SV2C: variants seen among roughly 807,000 people sequenced by gnomAD.
The protein encoded by SV2C is solute carrier family 22 member B3.
Under a neutral mutation model 79.7 loss-of-function variants are expected in SV2C, and 49 were observed. The observed-to-expected ratio is 0.61, with a 90% CI of 0.49 to 0.78. The LOEUF (loss-of-function observed/expected upper bound fraction) is 0.78. Ranked by LOEUF, SV2C falls within the 30% of genes least tolerant of loss-of-function variation. The pLI is 0.00. For synonymous variants in SV2C, 334 were observed against 333.2 expected (o/e 1.00, Z -0.03); for missense variants, 833 against 912.9 (o/e 0.91, Z 1.13).
At chr5:76,293,206 T>C (rs894445715) in intron 8 of SV2C, among the ~76,000 whole-genome samples, 1 of 152,122 alleles carries the variant, frequency 6.6e-6, no homozygotes, top group Non-Finnish European at 1.5e-5. Flanking sequence ...AGAAAATCCA[T>C]TAATCTCTGA....
chr5:76,216,893 G>T (rs1744919831), intron 4 of SV2C, among the ~76,000 whole-genome samples: 1 of 152,192 alleles, frequency 6.6e-6, no homozygotes, highest in Non-Finnish European at 1.5e-5. Flanking sequence ...CCAGGCTTTG[G>T]AATTGCTGCT....
At chr5:76,077,830 C>G in the SV2C span, among the ~76,000 whole-genome samples, 7 of 152,100 alleles carry the variant, frequency 4.6e-5, no homozygotes, top group African/African-American at 1.7e-4. Context: ...AGGACCCCAC[C>G]AATAGAACCT....
In SV2C at chr5:76,311,760, C is replaced by A. The variant is rs77373386; in HGVS notation, c.2000+10215C>A. On this transcript the variant is annotated intron_variant, in intron 12 of 12. Transcript: ENST00000502798. ...AGCTTGCCGTAAATCTGAAAGGAGC[C>A]CCAACCATCTAACATACTGGTGTGG... Among the ~76,000 whole-genome samples, 1,193 of 152,238 alleles carry A rather than the reference C, an allele frequency of 7.8e-3. 10 individuals are homozygous for A. The highest frequency in any genetic ancestry group is 0.024 in the African/African-American group (988 of 41,550).
chr5:76,202,988 T>C (rs1419764362), intron 3 of SV2C, among the ~76,000 whole-genome samples: 8 of 152,226 alleles, frequency 5.3e-5, no homozygotes, highest in Non-Finnish European at 1.2e-4. Context: ...AAATTTAAAA[T>C]TACATACGTG....
intron 1 of SV2C, among the ~76,000 whole-genome samples, chr5:76,088,454 T>C (rs955446483): frequency 2.6e-4 from 40 of 152,168 alleles, no homozygotes; most frequent in Admixed American, 6.5e-5. Flanking sequence ...TCCCAGAAGA[T>C]TTGGTGTCTG....
At chr5:76,280,755 G>A (rs1349857470) in intron 4 of SV2C, among the ~76,000 whole-genome samples, 1 of 152,222 alleles carries the variant, frequency 6.6e-6, no homozygotes, top group Non-Finnish European at 1.5e-5. Flanking sequence ...GTGGGGGTGT[G>A]GGGTCCCCTG....
At chr5:75,850,990 T>C in the SV2C span, among the ~76,000 whole-genome samples, 1 of 152,184 alleles carries the variant, frequency 6.6e-6, no homozygotes, top group Non-Finnish European at 1.5e-5. Context: ...TCATAGCTTA[T>C]CTGCTTTCTC....
chr5:76,347,851 G>A (rs1749572601), intron 12 of SV2C, among the ~76,000 whole-genome samples: 1 of 152,118 alleles, frequency 6.6e-6, no homozygotes, highest in Non-Finnish European at 1.5e-5. Flanking sequence ...CTGATACACA[G>A]CCTTTCCCAT....
At chr5:75,970,562 T>C in the SV2C span, among the ~76,000 whole-genome samples, 1 of 152,050 alleles carries the variant, frequency 6.6e-6, no homozygotes, top group South Asian at 2.1e-4. Flanking sequence ...GCAAATAAAC[T>C]AGAAAATCTA....
the SV2C span, among the ~76,000 whole-genome samples, chr5:75,853,733 A>G: frequency 6.6e-6 from 1 of 151,650 alleles, no homozygotes; most frequent in African/African-American, 2.4e-5. Flanking sequence ...AGTAGCTGAA[A>G]ATGTAGGGCA....
chr5:76,233,140 G>A (rs1449869706), intron 4 of SV2C, among the ~76,000 whole-genome samples: 1 of 139,436 alleles, frequency 7.2e-6, no homozygotes, highest in Non-Finnish European at 1.5e-5. Flanking sequence ...AGTTCTCCTT[G>A]AAGAGGTCCT....
At chr5:76,151,999 A>G (rs1749621121) in intron 2 of SV2C, among the ~76,000 whole-genome samples, 1 of 152,224 alleles carries the variant, frequency 6.6e-6, no homozygotes, top group South Asian at 2.1e-4. Flanking sequence ...ACGGAGCTTT[A>G]GTGATGCCTT....
intron 10 of SV2C, among the ~76,000 whole-genome samples, chr5:76,300,102 A>T (rs559182377): frequency 1.3e-5 from 2 of 151,968 alleles, no homozygotes; most frequent in Non-Finnish European, 2.9e-5. Context: ...TTGCTCTGTC[A>T]TCCAGGCTGG....
At chr5:76,134,199 T>C (rs1440944616) in intron 2 of SV2C, among the ~76,000 whole-genome samples, 1 of 152,184 alleles carries the variant, frequency 6.6e-6, no homozygotes, top group Non-Finnish European at 1.5e-5. Context: ...CATCTGCCCA[T>C]AAATGTTGCC....
At chr5:75,896,441 A>G in the SV2C span, among the ~76,000 whole-genome samples, 1 of 139,880 alleles carries the variant, frequency 7.1e-6, no homozygotes, top group Non-Finnish European at 1.5e-5. Context: ...TATGTGCCAC[A>G]TTTTCTTAAT....
chr5:75,956,511 C>T, the SV2C span, among the ~76,000 whole-genome samples: 1 of 151,762 alleles, frequency 6.6e-6, no homozygotes, highest in Non-Finnish European at 1.5e-5. Flanking sequence ...CTAACCTGCA[C>T]ATTGTGCACA....
chr5:76,299,356 A>G lies in SV2C; in HGVS notation c.1636+429A>G, dbSNP rs1224100770. On this transcript the variant is annotated intron_variant, in intron 10 of 12. Transcript: ENST00000502798. ...TATAATGGGGTATTTTAAACTCCCCAGGGGGAAAAAAAAGGAAGGCAAACA... is the reference window on the plus strand; with the variant it reads ...TATAATGGGGTATTTTAAACTCCCCGGGGGGAAAAAAAAGGAAGGCAAACA... 2.0e-5 allele frequency among the ~76,000 whole-genome samples: 3 copies of G among 152,198 alleles called. No individual in the cohort carries two copies. The East Asian group carries it at 5.8e-4, about 29-fold the overall frequency.
intron 4 of SV2C, among the ~76,000 whole-genome samples, chr5:76,228,232 G>A (rs536446643): frequency 5.9e-5 from 9 of 152,214 alleles, no homozygotes; most frequent in South Asian, 2.1e-4. Context: ...GCTATTAAGC[G>A]TCGACTCCAG....
chr5:75,994,326 G>A, the SV2C span, among the ~76,000 whole-genome samples: 1 of 152,066 alleles, frequency 6.6e-6, no homozygotes, highest in African/African-American at 2.4e-5. Flanking sequence ...GGCAGAGAAA[G>A]CCTTATTTAT....
Sources: allele counts gnomAD v4.1 joint callset (sites outside exome capture counted in the v4.1 genomes callset), GRCh38; gene constraint gnomAD v4.1.1; transcripts MANE v1.5; gene names NCBI Gene and HGNC (gene_info 2026-07-23, HGNC 2026-07-21).